The following DNAH5 variants were observed in gnomAD, a reference collection of about 807,000 sequenced individuals.
The protein encoded by DNAH5 is axonemal beta dynein heavy chain 5.
A neutral mutation model predicts 518.2 loss-of-function variants in DNAH5; 372 were observed. The ratio of observed to expected loss-of-function variants is 0.72; its 90% CI spans 0.66 to 0.78. The LOEUF is 0.78. DNAH5 is among the 30% of genes least tolerant of loss of function. The probability of loss-of-function intolerance (pLI) is 0.00; values close to 1 mark genes in which losing one functional copy is unlikely to be tolerated. For missense variants in DNAH5, 5,523 were observed against 5,687.0 expected, an observed-to-expected ratio of 0.97 and a Z score of 0.93; for synonymous variants, 2,039 against 2,025.9, an observed-to-expected ratio of 1.01 and a Z score of -0.17.
intron 47 of DNAH5, among the ~76,000 whole-genome samples, chr5:13,803,978 C>T (rs1759168864): frequency 1.3e-5 from 2 of 152,260 alleles, no homozygotes; most frequent in African/African-American, 2.4e-5. Context: ...ATTCAAAAAA[C>T]TTTATAATTA....
At position 13,788,756 on chromosome 5, in the gene DNAH5, T is replaced by C; in HGVS notation, c.8607A>G (p.Thr2869=). The C allele has an allele frequency of 1.9e-6, 3 of 1,614,128 alleles. No homozygotes were observed. Among genetic ancestry groups the C allele is most frequent in the Non-Finnish European group, 2.5e-6 (3 of 1,180,016 alleles). Residue 2869 remains threonine (T), a synonymous_variant, in exon 51 of 79, where the codon ACA becomes ACG. Coordinates refer to ENST00000265104, the MANE Select transcript of DNAH5 (RefSeq NM_001369.3). ...CATCTCTCAAGAAATCCACAAAATA[T>C]GTGTCAATTCCACAATCCACCAAGA... ...KKLLVDCGID[T]YFVDFLRDAP...
chr5:13,840,637 T>C (rs1765028882), intron 34 of DNAH5, among the ~76,000 whole-genome samples: 1 of 152,234 alleles, frequency 6.6e-6, no homozygotes, highest in South Asian at 2.1e-4. Flanking sequence ...AGATGCTACA[T>C]GACAATTTTA....
chr5:13,898,012 C>G (rs1031274199), intron 15 of DNAH5: 1 of 152,200 alleles, frequency 6.6e-6, no homozygotes, highest in Non-Finnish European at 1.5e-5. Context: ...TACTGGAAGG[C>G]CATGTATAGA....
chr5:13,907,558 C>G (rs1775474596), intron 12 of DNAH5, among the ~76,000 whole-genome samples: 1 of 152,090 alleles, frequency 6.6e-6, no homozygotes, highest in Admixed American at 6.5e-5. Context: ...ACTTAAATAT[C>G]AAAGATTTTA....
intron 55 of DNAH5, 134 bp from the exon 56 acceptor site, chr5:13,771,114 G>C: frequency 1.3e-6 from 1 of 761,092 alleles, no homozygotes; most frequent in East Asian, 2.7e-5. Flanking sequence ...AGGTAGATCT[G>C]TGTCAGCATT....
intron 71 of DNAH5, among the ~76,000 whole-genome samples, 192 bp downstream of exon 71, chr5:13,720,808 G>A (rs1348276403): frequency 6.6e-6 from 1 of 151,734 alleles, no homozygotes; most frequent in Non-Finnish European, 1.5e-5. Context: ...CTATCCTTGG[G>A]TAGTTGATTT....
chr5:13,890,847 C>A, intron 17 of DNAH5, 129 bp downstream of exon 17: 1 of 1,019,552 alleles, frequency 9.8e-7, no homozygotes, highest in Non-Finnish European at 1.5e-6. Context: ...GATTCCATGT[C>A]TGAATCACTT....
Position 13,919,191 on chromosome 5 carries a change from C to CTT in DNAH5, c.958_959dup (p.Lys322ArgfsTer4), listed in dbSNP as rs752110126. ...GGCTGACGACCTTCAGCAGTTTCGA[C>CTT]TTGGCCGCCGCAAGCACTGCCAGCA... is the stretch of plus-strand genomic sequence containing the variant. On this transcript the variant is annotated frameshift_variant, in exon 7 of 79. Coordinates refer to ENST00000265104, the MANE Select transcript of DNAH5 (RefSeq NM_001369.3). LOFTEE classifies it high-confidence loss of function. The CTT allele has an allele frequency of 3.1e-6, 5 of 1,613,972 alleles. No homozygotes were observed. The highest frequency in any genetic ancestry group is 1.3e-5 in the African/African-American group (1 of 75,034).
intron 52 of DNAH5, among the ~76,000 whole-genome samples, chr5:13,785,360 G>T (rs1384385632): frequency 6.6e-6 from 1 of 152,090 alleles, no homozygotes; most frequent in African/African-American, 2.4e-5. Context: ...GACACATACT[G>T]GTCTGCGGCC....
intron 52 of DNAH5, among the ~76,000 whole-genome samples, chr5:13,784,959 GAA>G (rs1755755807): frequency 6.6e-6 from 1 of 152,146 alleles, no homozygotes; most frequent in Non-Finnish European, 1.5e-5. Flanking sequence ...CAGTATTGTG[GAA>G]GACAATTTTT....
At position 13,694,818 on chromosome 5, in the gene DNAH5, C is replaced by T. The variant is rs1290420515; in HGVS notation, c.13724-2683G>A. Among the ~76,000 whole-genome samples, 7 of 152,188 alleles carry T rather than the reference C, an allele frequency of 4.6e-5. No homozygotes were observed. In the South Asian group the frequency reaches 1.5e-3, roughly 32 times the overall value. Reference sequence around the variant, plus strand: ...TTAACATACACTATTTCTTTCAATCCTTTAAAAACCATGTGAGCTAAGCAT... The same window carrying T: ...TTAACATACACTATTTCTTTCAATCTTTTAAAAACCATGTGAGCTAAGCAT... On this transcript the variant is annotated intron_variant, in intron 78 of 78. Transcript: ENST00000265104.
intron 30 of DNAH5, 144 bp from the exon 31 acceptor site, chr5:13,850,959 T>C: frequency 2.4e-6 from 2 of 837,700 alleles, no homozygotes; most frequent in Middle Eastern, 6.8e-4. Flanking sequence ...ACACACATTT[T>C]ATTGAAGTTC....
At chr5:13,754,110 G>T in intron 62 of DNAH5, 93 bp downstream of exon 62, 6 of 1,483,578 alleles carry the variant, frequency 4.0e-6, no homozygotes, top group Non-Finnish European at 4.7e-6. Context: ...CATGCGCCAT[G>T]TTGGACACAC....
intron 47 of DNAH5, among the ~76,000 whole-genome samples, chr5:13,800,745 G>A (rs778729169): frequency 6.6e-5 from 10 of 152,088 alleles, no homozygotes; most frequent in African/African-American, 2.2e-4. Context: ...AAAGAATCAC[G>A]GATCATCTGT....
intron 17 of DNAH5, among the ~76,000 whole-genome samples, 155 bp downstream of exon 17, chr5:13,890,821 C>A (rs927921996): frequency 6.6e-6 from 1 of 152,166 alleles, no homozygotes; most frequent in Admixed American, 6.5e-5. Context: ...TCTTCACTGG[C>A]AAATTATTGT....
intron 1 of DNAH5, among the ~76,000 whole-genome samples, chr5:13,982,526 G>A (rs981895097): frequency 2.6e-5 from 4 of 151,378 alleles, no homozygotes; most frequent in African/African-American, 9.6e-5. Context: ...ATGCATTACT[G>A]CATGAGTGAG....
chr5:13,912,102 C>T (rs1313694843), intron 11 of DNAH5, among the ~76,000 whole-genome samples: 7 of 152,144 alleles, frequency 4.6e-5, no homozygotes, highest in Admixed American at 3.9e-4. Context: ...CTTGAAAATA[C>T]TATTATCAGA....
chr5:13,892,298 C>A (rs1347757833), intron 16 of DNAH5, among the ~76,000 whole-genome samples: 2 of 152,174 alleles, frequency 1.3e-5, no homozygotes, highest in African/African-American at 4.8e-5. Flanking sequence ...AAAAAATAGT[C>A]CCCAAGGATG....
chr5:13,970,631 T>C (rs1184329217), intron 1 of DNAH5, among the ~76,000 whole-genome samples: 1 of 152,256 alleles, frequency 6.6e-6, no homozygotes, highest in Admixed American at 6.5e-5. Context: ...CCTTCTAGGT[T>C]ATAGGTTTCT....
Sources: allele counts gnomAD v4.1 joint callset (sites outside exome capture counted in the v4.1 genomes callset), GRCh38; gene constraint gnomAD v4.1.1; transcripts MANE v1.5; gene names NCBI Gene and HGNC (gene_info 2026-07-23, HGNC 2026-07-21).